Variants in RNLS observed in about 807,000 individuals in gnomAD.
RNLS encodes the protein renalase.
Under a neutral mutation model 39.8 loss-of-function variants are expected in RNLS, and 39 were observed. The ratio of observed to expected loss-of-function variants is 0.98; its 90% confidence interval spans 0.76 to 1.28. The LOEUF (loss-of-function observed/expected upper bound fraction) is 1.28. RNLS is among the 50% of genes most tolerant of loss of function. The pLI is 0.00. For synonymous variants in RNLS, 147 were observed against 150.7 expected (o/e 0.98, Z 0.18); for missense variants, 410 against 413.3 (o/e 0.99, Z 0.07).
intron 4 of RNLS, among the ~76,000 whole-genome samples, chr10:88,416,424 C>T (rs996516170): frequency 6.6e-6 from 1 of 151,474 alleles, no homozygotes; most frequent in South Asian, 2.1e-4. Flanking sequence ...CGGCTAATTT[C>T]GTATTTTTAG....
In RNLS at chr10:88,456,339, A is replaced by G. The variant is rs145503824; in HGVS notation, c.527-93614T>C. Among the ~76,000 whole-genome samples, 1,268 of 151,148 alleles carry G rather than the reference A, an allele frequency of 8.4e-3. 21 individuals carry two copies. Among genetic ancestry groups the G allele is most frequent in the East Asian group, 0.033 (170 of 5,176 alleles). ...ATATATGATATATTTTATTTCTATCATATATTTTCTTGATGATATATATAA... is the reference window on the plus strand; with the variant it reads ...ATATATGATATATTTTATTTCTATCGTATATTTTCTTGATGATATATATAA... On this transcript the variant is annotated intron_variant, in intron 4 of 6. Transcript: ENST00000331772.
intron 4 of RNLS, among the ~76,000 whole-genome samples, chr10:88,570,900 T>C (rs1193862457): frequency 6.6e-6 from 1 of 152,090 alleles, no homozygotes; most frequent in Non-Finnish European, 1.5e-5. Flanking sequence ...CAACTATAGT[T>C]AATAATATCA....
chr10:88,208,881 G>C, the RNLS span, among the ~76,000 whole-genome samples: 1 of 152,076 alleles, frequency 6.6e-6, no homozygotes, highest in Non-Finnish European at 1.5e-5. Context: ...TCTTTGAGAT[G>C]AGTGTCATTT....
At chr10:88,543,074 T>G (rs1050329745) in intron 4 of RNLS, among the ~76,000 whole-genome samples, 1 of 152,188 alleles carries the variant, frequency 6.6e-6, no homozygotes, top group African/African-American at 2.4e-5. Flanking sequence ...TTATTTAAAT[T>G]GACCTCAACC....
intron 4 of RNLS, among the ~76,000 whole-genome samples, chr10:88,475,607 G>T (rs1201288773): frequency 6.6e-6 from 1 of 151,954 alleles, no homozygotes; most frequent in African/African-American, 2.4e-5. Flanking sequence ...CCTATGTCAA[G>T]AGGTATTTTG....
At chr10:88,390,074 T>C (rs557266736) in intron 4 of RNLS, among the ~76,000 whole-genome samples, 1 of 152,324 alleles carries the variant, frequency 6.6e-6, no homozygotes, top group South Asian at 2.1e-4. Context: ...CAGTGGATAT[T>C]CATTTGATAG....
At chr10:88,449,310 C>T (rs1489469325) in intron 4 of RNLS, among the ~76,000 whole-genome samples, 1 of 152,208 alleles carries the variant, frequency 6.6e-6, no homozygotes, top group South Asian at 2.1e-4. Flanking sequence ...CAATTAAATG[C>T]TTGTTATTCC....
intron 4 of RNLS, among the ~76,000 whole-genome samples, chr10:88,461,483 T>C (rs1366923921): frequency 3.9e-5 from 6 of 152,150 alleles, no homozygotes; most frequent in Non-Finnish European, 8.8e-5. Flanking sequence ...TGAACGTTTC[T>C]ATCCTTTGGG....
intron 4 of RNLS, among the ~76,000 whole-genome samples, chr10:88,377,702 G>A (rs1851127778): frequency 6.6e-6 from 1 of 152,178 alleles, no homozygotes; most frequent in African/African-American, 2.4e-5. Context: ...CTGTGGGTGA[G>A]TCAGTGAGTC....
intron 4 of RNLS, among the ~76,000 whole-genome samples, chr10:88,519,660 G>T (rs1308263631): frequency 6.8e-6 from 1 of 147,170 alleles, no homozygotes; most frequent in African/African-American, 2.5e-5. Flanking sequence ...GTTATCTTAT[G>T]TGTGCTCTTG....
chr10:88,339,525 T>G (rs935521444), intron 5 of RNLS, among the ~76,000 whole-genome samples: 1 of 152,192 alleles, frequency 6.6e-6, no homozygotes. Context: ...TAAACTTTAG[T>G]TTTCTCAACT....
chr10:88,182,258 A>T, the RNLS span, among the ~76,000 whole-genome samples: 30 of 152,232 alleles, frequency 2.0e-4, 1 homozygote, highest in South Asian at 2.9e-3. Flanking sequence ...TTTAGAAAAA[A>T]ATATCACCCC....
intron 4 of RNLS, among the ~76,000 whole-genome samples, chr10:88,415,541 G>C (rs2133726510): frequency 2.0e-5 from 3 of 152,144 alleles, no homozygotes; most frequent in Middle Eastern, 6.8e-3. Flanking sequence ...TGTATCTATA[G>C]AAAAACTAAA....
At chr10:88,345,643 C>T (rs921230787) in intron 5 of RNLS, among the ~76,000 whole-genome samples, 1 of 152,120 alleles carries the variant, frequency 6.6e-6, no homozygotes. Flanking sequence ...TTACTATGCA[C>T]CTATGTGCCA....
chr10:88,181,720 T>C, the RNLS span, among the ~76,000 whole-genome samples: 17 of 152,186 alleles, frequency 1.1e-4, no homozygotes, highest in African/African-American at 4.1e-4. Context: ...GGAACATCAT[T>C]TCCTGATTGG....
intron 4 of RNLS, among the ~76,000 whole-genome samples, chr10:88,562,415 G>A (rs553698502): frequency 6.6e-6 from 1 of 152,214 alleles, no homozygotes; most frequent in South Asian, 2.1e-4. Context: ...TAAGCAAAGT[G>A]CAAAACAATA....
At chr10:88,352,394 G>A (rs1848784570) in intron 5 of RNLS, among the ~76,000 whole-genome samples, 1 of 152,106 alleles carries the variant, frequency 6.6e-6, no homozygotes, top group Non-Finnish European at 1.5e-5. Flanking sequence ...AATTTATTGA[G>A]AGTTTTTAGC....
At chr10:88,275,025 C>T in exon 7 of RNLS, 1 of 1,613,056 alleles carries the variant, frequency 6.2e-7, no homozygotes. Flanking sequence ...CACACCAGCA[C>T]TTGGTACCTG....
chr10:88,395,855 CATT>C lies in RNLS; in HGVS notation c.527-33133_527-33131del, dbSNP rs542713392. On this transcript the variant is annotated intron_variant, in intron 4 of 6. Coordinates refer to ENST00000331772, the MANE Select transcript of RNLS (RefSeq NM_001031709.3). ...TTGAAGCAGCAAGAAAGAAGTGACT[CATT>C]ATGTTCCAGGGATTCTCAATAGGAT... Among the ~76,000 whole-genome samples, 6 of 152,176 alleles carry C rather than the reference CATT, an allele frequency of 3.9e-5. No individual in the cohort carries two copies. In the South Asian group the frequency reaches 1.2e-3, roughly 32 times the overall value.
Sources: gnomAD v4.1 joint callset for allele counts (sites outside exome capture counted in the v4.1 genomes callset) on GRCh38, gnomAD v4.1.1 for gene constraint, MANE v1.5 for transcripts, NCBI Gene and HGNC (gene_info 2026-07-23, HGNC 2026-07-21) for gene names.